The following GPBP1 variants were observed in gnomAD, a reference collection of about 807,000 sequenced individuals.
The protein encoded by GPBP1 is vasculin.
In GPBP1, 13 loss-of-function variants were observed where a neutral mutation model predicts 56.5. The ratio of observed to expected loss-of-function variants is 0.23; its 90% CI spans 0.15 to 0.37. GPBP1 has a LOEUF of 0.37. GPBP1 is among the 10% of genes least tolerant of loss of function. The pLI is 1.00. For synonymous variants in GPBP1, 204 were observed against 188.9 expected (o/e 1.08, Z -0.66); for missense variants, 477 against 572.3 (o/e 0.83, Z 1.70).
intron 2 of GPBP1, among the ~76,000 whole-genome samples, chr5:57,196,006 A>ATTTTTT (rs1182189437): frequency 3.0e-5 from 2 of 66,990 alleles, no homozygotes; most frequent in Non-Finnish European, 6.8e-5. Flanking sequence ...AAAAAAAAAA[A>ATTTTTT]TTTTTTTTTT....
intron 10 of GPBP1, among the ~76,000 whole-genome samples, chr5:57,260,966 AG>A (rs1741870370): frequency 6.6e-6 from 1 of 152,202 alleles, no homozygotes; most frequent in African/African-American, 2.4e-5. Flanking sequence ...GCAGTCAAGG[AG>A]TTCATTCTAA....
intron 7 of GPBP1, 51 bp from the exon 8 acceptor site, chr5:57,247,024 C>T: frequency 1.3e-6 from 2 of 1,541,292 alleles, no homozygotes; most frequent in South Asian, 2.4e-5. Flanking sequence ...TTTTGTCTTT[C>T]TCCTGTAACC....
chr5:57,236,135 TC>T (rs1273802658), intron 6 of GPBP1, 103 bp downstream of exon 6: 3 of 747,362 alleles, frequency 4.0e-6, no homozygotes, highest in African/African-American at 1.8e-5. Context: ...AATAAAACTT[TC>T]TTTTTAAAGT....
chr5:57,201,516 A>G (rs1755023122), intron 2 of GPBP1, among the ~76,000 whole-genome samples: 1 of 152,114 alleles, frequency 6.6e-6, no homozygotes. Context: ...TATAATAGTC[A>G]TGTAGCCTTA....
At chr5:57,230,141 C>A (rs1756386147) in intron 3 of GPBP1, among the ~76,000 whole-genome samples, 1 of 151,914 alleles carries the variant, frequency 6.6e-6, no homozygotes, top group Admixed American at 6.6e-5. Context: ...CCATGTTGGT[C>A]AGCTGGTCTC....
Position 57,176,129 on chromosome 5 carries a change from C to G in GPBP1, c.-329C>G. The stretch of plus-strand genomic sequence containing the variant: ...AATTGGATATTTCATCTGGAGTGGA[C>G]AAGTACAACAGTGGCAAGTACATGG... On this transcript the variant is annotated 5_prime_UTR_variant, in exon 2 of 12. Coordinates refer to ENST00000506184, the MANE Select transcript of GPBP1 (RefSeq NM_022913.4). 2.5e-6 allele frequency: 1 copy of G among 396,956 alleles called. No individual in the cohort carries two copies. Among genetic ancestry groups the G allele is most frequent in the Non-Finnish European group, 4.4e-6 (1 of 225,342 alleles). The allele number at this position is 396,956 out of a possible 1,614,324, so 24.6% of individuals were successfully genotyped here.
rs1277744201 is a variant in GPBP1, at chr5:57,263,816, A to C, written c.*1064A>C. 1 of 152,096 alleles carries C rather than the reference A, an allele frequency of 6.6e-6. No individual in the cohort carries two copies. The highest frequency in any genetic ancestry group is 1.5e-5 in the Non-Finnish European group (1 of 67,978). The allele number at this position is 152,096 out of a possible 1,614,324, so 9.4% of individuals were successfully genotyped here. ...ATTTTCATTTGCACATTAATTTTGG[A>C]ATTGTTTCTGTTTTGCTGCTGACGG... On this transcript the variant is annotated 3_prime_UTR_variant, in exon 12 of 12. Coordinates refer to ENST00000506184, the MANE Select transcript of GPBP1 (RefSeq NM_022913.4).
intron 9 of GPBP1, 70 bp downstream of exon 9, chr5:57,249,646 A>T: frequency 1.7e-6 from 2 of 1,206,374 alleles, no homozygotes; most frequent in Non-Finnish European, 2.3e-6. Context: ...ATGTATTAGG[A>T]CCTTGGAATA....
At chr5:57,225,508 A>AAAAAAAC (rs1554069044) in intron 3 of GPBP1, among the ~76,000 whole-genome samples, 17 of 123,548 alleles carry the variant, frequency 1.4e-4, no homozygotes, top group East Asian at 2.7e-4. Flanking sequence ...AAAAAAAAAA[A>AAAAAAAC]AAACAAACTG....
chr5:57,247,353 CATTT>C, intron 8 of GPBP1, 138 bp downstream of exon 8: 1 of 719,522 alleles, frequency 1.4e-6, no homozygotes, highest in Non-Finnish European at 2.1e-6. Context: ...TCATTTACTT[CATTT>C]GTTAACCAAT....
In GPBP1 at chr5:57,231,335, G is replaced by A. The variant is rs752512376; in HGVS notation, c.411+14G>A. ...GCTGAGGATTTTGTAAGTTTTTTATGACTTTTATACAAATGAAGTTTCTGT... is the reference window on the plus strand; with the variant it reads ...GCTGAGGATTTTGTAAGTTTTTTATAACTTTTATACAAATGAAGTTTCTGT... On this transcript the variant is annotated intron_variant, in intron 5 of 11. Coordinates refer to ENST00000506184, the MANE Select transcript of GPBP1 (RefSeq NM_022913.4). 1 of 1,593,708 alleles carries A rather than the reference G, an allele frequency of 6.3e-7. No homozygotes were observed. Among genetic ancestry groups the A allele is most frequent in the South Asian group, 1.1e-5 (1 of 89,634 alleles).
intron 2 of GPBP1, among the ~76,000 whole-genome samples, chr5:57,188,243 C>CAA (rs34967736): frequency 0.26 from 35,422 of 138,640 alleles, 4,510 homozygotes; most frequent in Middle Eastern, 0.34. Flanking sequence ...GAGACTGTCT[C>CAA]AAAAAAAAAA....
chr5:57,229,641 TCTC>T (rs1261721925), intron 3 of GPBP1, among the ~76,000 whole-genome samples: 1 of 151,972 alleles, frequency 6.6e-6, no homozygotes, highest in Non-Finnish European at 1.5e-5. Flanking sequence ...TTCAGGCAAT[TCTC>T]CTGTCTCAGC....
At chr5:57,255,988 G>A (rs796804819) in intron 10 of GPBP1, among the ~76,000 whole-genome samples, 23 of 152,330 alleles carry the variant, frequency 1.5e-4, no homozygotes, top group African/African-American at 5.1e-4. Context: ...TGGGGACAAT[G>A]ACTCACGCCT....
intron 5 of GPBP1, 116 bp downstream of exon 5, chr5:57,231,437 C>G: frequency 2.5e-6 from 2 of 798,338 alleles, no homozygotes; most frequent in Non-Finnish European, 3.9e-6. Context: ...CCAGGCCCGC[C>G]TAATTTTTAT....
intron 5 of GPBP1, 82 bp from the exon 6 acceptor site, chr5:57,235,884 A>C: frequency 3.2e-6 from 3 of 937,352 alleles, no homozygotes; most frequent in Middle Eastern, 2.5e-4. Context: ...TTGATTCATC[A>C]GTTACAACAT....
Position 57,176,312 on chromosome 5 carries a change from T to A in GPBP1, c.-146T>A. On this transcript the variant is annotated 5_prime_UTR_variant, in exon 2 of 12. Coordinates refer to ENST00000506184, the MANE Select transcript of GPBP1 (RefSeq NM_022913.4). Reference sequence around the variant, plus strand: ...TATCTTCAAAGAACTTCGATATTATTTCAGAGGATACAAAATAAAAATACA... The same window carrying A: ...TATCTTCAAAGAACTTCGATATTATATCAGAGGATACAAAATAAAAATACA... The A allele has an allele frequency of 3.4e-6, 1 of 293,690 alleles. No individual in the cohort carries two copies. Among genetic ancestry groups the A allele is most frequent in the Non-Finnish European group, 6.2e-6 (1 of 161,244 alleles). The allele number at this position is 293,690 out of a possible 1,614,324, so 18.2% of individuals were successfully genotyped here.
chr5:57,244,032 TTCTTCTTATA>T (rs1740963889), intron 6 of GPBP1, among the ~76,000 whole-genome samples: 1 of 152,168 alleles, frequency 6.6e-6, no homozygotes, highest in Non-Finnish European at 1.5e-5. Context: ...AAATTTTTAT[TTCTTCTTATA>T]TCTTCAGCTT....
At chr5:57,202,909 G>A (rs1192515516) in intron 2 of GPBP1, among the ~76,000 whole-genome samples, 1 of 152,098 alleles carries the variant, frequency 6.6e-6, no homozygotes, top group East Asian at 1.9e-4. Context: ...ATTAAAACTT[G>A]CCAATCTTTA....
Sources: allele counts gnomAD v4.1 joint callset (sites outside exome capture counted in the v4.1 genomes callset), GRCh38; gene constraint gnomAD v4.1.1; transcripts MANE v1.5; gene names NCBI Gene and HGNC (gene_info 2026-07-23, HGNC 2026-07-21).